Variants in CNKSR1 observed in about 807,000 individuals in gnomAD.
The protein encoded by CNKSR1 is connector enhancer of kinase suppressor of Ras 1.
A neutral mutation model predicts 95.6 loss-of-function variants in CNKSR1; 88 were observed. The ratio of observed to expected loss-of-function variants is 0.92; its 90% CI spans 0.78 to 1.10. The LOEUF (loss-of-function observed/expected upper bound fraction) is 1.10, where lower values mean the gene tolerates loss of function less well. Among genes scored for constraint, CNKSR1 ranks in the 50% least tolerant of loss-of-function variants. The probability of loss-of-function intolerance (pLI) is 0.00; values close to 1 mark genes in which losing one functional copy is unlikely to be tolerated. For missense variants in CNKSR1, 836 were observed against 912.0 expected, an observed-to-expected ratio of 0.92 and a Z score of 1.07; for synonymous variants, 355 against 369.7, an observed-to-expected ratio of 0.96 and a Z score of 0.46.
chr1:26,186,305 T>C (rs1218616770), intron 14 of CNKSR1, among the ~76,000 whole-genome samples: 1 of 152,206 alleles, frequency 6.6e-6, no homozygotes, highest in Non-Finnish European at 1.5e-5. Context: ...TTTGGTTTTT[T>C]GGTTTTTGTT....
chr1:26,186,745 A>AT (rs1325494430), intron 14 of CNKSR1, among the ~76,000 whole-genome samples: 2 of 152,198 alleles, frequency 1.3e-5, no homozygotes, highest in Non-Finnish European at 2.9e-5. Context: ...AAGTGCTGGG[A>AT]TTACAGGTGT....
chr1:26,187,620 CTTTTTTT>C (rs35307485), intron 16 of CNKSR1, 138 bp downstream of exon 16: 37 of 463,622 alleles, frequency 8.0e-5, no homozygotes, highest in East Asian at 1.2e-4. Flanking sequence ...TTCTCTTTCT[CTTTTTTT>C]TTTTTTTTTT....
At chr1:26,185,788 G>T (rs370872383) in intron 14 of CNKSR1, among the ~76,000 whole-genome samples, 1 of 151,700 alleles carries the variant, frequency 6.6e-6, no homozygotes, top group Non-Finnish European at 1.5e-5. Flanking sequence ...GCTTCAGCCC[G>T]CCAGAATGCT....
chr1:26,179,113 A>G (rs955677083), intron 1 of CNKSR1, among the ~76,000 whole-genome samples: 10 of 152,252 alleles, frequency 6.6e-5, no homozygotes, highest in African/African-American at 2.4e-4. Flanking sequence ...ATAGATTTGC[A>G]TAGCACATAG....
At position 26,184,489 on chromosome 1, in the gene CNKSR1, C is replaced by A; in HGVS notation, c.1089C>A (p.Leu363=). The change falls in exon 12 of 21, where the codon CTC becomes CTA. Residue 363 remains leucine, a synonymous_variant. Coordinates refer to ENST00000361530, the MANE Select transcript of CNKSR1 (RefSeq NM_006314.3). The stretch of plus-strand genomic sequence containing the variant: ...CAGGGGTAGCAGGGACTCCAGGGCT[C>A]CCTGAATCCCCTGACAAGGTAAGCT... The part of the protein sequence containing the change: ...LPAGVAGTPG[L]PESPDKSPVG... 1 of 1,612,250 alleles carries A rather than the reference C, an allele frequency of 6.2e-7. No individual in the cohort carries two copies. The highest frequency in any genetic ancestry group is 8.5e-7 in the Non-Finnish European group (1 of 1,179,272).
At chr1:26,187,367 G>C in intron 15 of CNKSR1, 44 bp from the exon 16 acceptor site, 1 of 1,607,962 alleles carries the variant, frequency 6.2e-7, no homozygotes, top group Non-Finnish European at 8.5e-7. Context: ...TGGGCTGTGG[G>C]TGGGCACGCC....
intron 9 of CNKSR1, 68 bp downstream of exon 9, chr1:26,183,898 C>A (rs770497889): frequency 1.9e-6 from 1 of 530,154 alleles, no homozygotes; most frequent in Non-Finnish European, 3.4e-6. Context: ...GCCCCCACCA[C>A]CCCCACACCT....
At chr1:26,177,993 G>A (rs1056769762) in intron 1 of CNKSR1, among the ~76,000 whole-genome samples, 1 of 151,960 alleles carries the variant, frequency 6.6e-6, no homozygotes, top group Non-Finnish European at 1.5e-5. Flanking sequence ...AATAAACTGC[G>A]GGCTCTATCA....
In CNKSR1 at chr1:26,180,915, C is replaced by T. The variant is rs779116557; in HGVS notation, c.392+19C>T. The T allele has an allele frequency of 1.7e-5, 28 of 1,613,514 alleles. No homozygotes were observed. Among genetic ancestry groups the T allele is most frequent in the East Asian group, 1.6e-4 (7 of 44,894 alleles). On this transcript the variant is annotated intron_variant, in intron 3 of 20. Transcript: ENST00000361530. ...TCAGCAGGTACCCGGGTTGGGGTGA[C>T]GAGTGAGGGACTATTGTCATCCTTG...
In CNKSR1 at chr1:26,189,519, G is replaced by A; in HGVS notation, c.2113G>A (p.Glu705Lys). 1 of 1,590,924 alleles carries A rather than the reference G, an allele frequency of 6.3e-7. No individual in the cohort carries two copies. Among genetic ancestry groups the A allele is most frequent in the East Asian group, 2.2e-5 (1 of 44,782 alleles). Reference protein sequence around the residue: ...EHSHLCPLTSESSLRPPDL With the variant: ...EHSHLCPLTSKSSLRPPDL ...CTCCCATCTCTGCCCCCTGACCTCAGAGAGCAGCCTCCGACCTCCTGACCT... is the reference window on the plus strand; with the variant it reads ...CTCCCATCTCTGCCCCCTGACCTCAAAGAGCAGCCTCCGACCTCCTGACCT... The change falls in exon 21 of 21, where the codon GAG becomes AAG. Residue 705 changes from glutamate (E) to lysine (K), a missense_variant. Glu to Lys is a moderately conservative substitution (Grantham distance 56, BLOSUM62 1). Transcript: ENST00000361530.
chr1:26,184,290 A>T lies in CNKSR1; in HGVS notation c.1000+3A>T, dbSNP rs369925886. 16 of 1,613,304 alleles carry T rather than the reference A, an allele frequency of 9.9e-6. No individual in the cohort carries two copies. Among genetic ancestry groups the T allele is most frequent in the Non-Finnish European group, 1.4e-5 (16 of 1,179,648 alleles). ...CGGACCCAGCCCTGCCTGGACAGGT[A>T]GTCTCAAAGCTCCATGGATGCCCCG... On this transcript the variant is annotated splice_donor_region_variant and intron_variant, in intron 11 of 20. Coordinates refer to ENST00000361530, the MANE Select transcript of CNKSR1 (RefSeq NM_006314.3).
At chr1:26,185,537 C>T (rs1184151272) in intron 14 of CNKSR1, among the ~76,000 whole-genome samples, 6 of 151,550 alleles carry the variant, frequency 4.0e-5, no homozygotes, top group Admixed American at 1.3e-4. Context: ...GAACTACAGG[C>T]GCCCGCCACA....
chr1:26,189,249 A>G lies in CNKSR1; in HGVS notation c.1873-30A>G, dbSNP rs528758249. 4.3e-6 allele frequency: 7 copies of G among 1,613,314 alleles called. No homozygotes were observed. In the South Asian group the frequency reaches 5.5e-5, roughly 13 times the overall value. Reference sequence around the variant, plus strand: ...GCTCTGCCCACTTCCCTGGGTGATCATGGTCCCTTAGCCCCTCCTCTCCAC... The same window carrying G: ...GCTCTGCCCACTTCCCTGGGTGATCGTGGTCCCTTAGCCCCTCCTCTCCAC... On this transcript the variant is annotated intron_variant, in intron 20 of 20. Coordinates refer to ENST00000361530, the MANE Select transcript of CNKSR1 (RefSeq NM_006314.3).
intron 1 of CNKSR1, chr1:26,180,194 G>T: frequency 1.8e-6 from 1 of 548,854 alleles, no homozygotes; most frequent in East Asian, 3.2e-5. Flanking sequence ...GTGGGGTGAG[G>T]CCTGATAATT....
At chr1:26,181,057 A>T in intron 3 of CNKSR1, 161 bp downstream of exon 3, 1 of 828,488 alleles carries the variant, frequency 1.2e-6, no homozygotes, top group Non-Finnish European at 2.0e-6. Flanking sequence ...AAGCGGGCAG[A>T]TCACTTGAGG....
At position 26,189,864 on chromosome 1, in the gene CNKSR1, T is replaced by A; in HGVS notation, c.*316T>A. 1.8e-6 allele frequency: 1 copy of A among 569,258 alleles called. No individual in the cohort carries two copies. The highest frequency in any genetic ancestry group is 3.2e-6 in the Non-Finnish European group (1 of 312,092). The allele number at this position is 569,258 out of a possible 1,614,324, so 35.3% of individuals were successfully genotyped here. A position where few individuals can be genotyped will look rare whatever the true frequency, so the allele number is the denominator to read the frequency against. On this transcript the variant is annotated 3_prime_UTR_variant, in exon 21 of 21. Coordinates refer to ENST00000361530, the MANE Select transcript of CNKSR1 (RefSeq NM_006314.3). ...ACATGAGGGCTACTTTCCAACCAAA[T>A]AAAGTCAATTTTTCTAAGAATGAGT...
intron 20 of CNKSR1, 65 bp from the exon 21 acceptor site, chr1:26,189,214 C>A: frequency 6.3e-7 from 1 of 1,593,600 alleles, no homozygotes; most frequent in South Asian, 1.1e-5. Flanking sequence ...GGAGTGAAGT[C>A]TGGCCTCGGG....
At chr1:26,182,036 G>A in intron 4 of CNKSR1, 95 bp downstream of exon 4, 1 of 1,202,264 alleles carries the variant, frequency 8.3e-7, no homozygotes, top group Admixed American at 1.7e-5. Context: ...GATCGAGTAT[G>A]AGGATTGAGA....
In CNKSR1 at chr1:26,188,895, G is replaced by T; in HGVS notation, c.1814G>T (p.Arg605Leu). Residue 605 changes from arginine (R) to leucine (L), a missense_variant, in exon 20 of 21, where the codon CGA (arginine) becomes CTA (leucine). By Grantham distance (102) the Arg-to-Leu change is moderately radical. Coordinates refer to ENST00000361530, the MANE Select transcript of CNKSR1 (RefSeq NM_006314.3). Reference sequence around the variant, plus strand: ...CGGAGCTCTTTCATGCGGCGCAACCGAGACCCTCAGCTCAATGAGCGAGTG... The same window carrying T: ...CGGAGCTCTTTCATGCGGCGCAACCTAGACCCTCAGCTCAATGAGCGAGTG... ...QWRSSFMRRN[R>L]DPQLNERVHR... 1 of 1,613,882 alleles carries T rather than the reference G, an allele frequency of 6.2e-7. No homozygotes were observed.
Sources: gnomAD v4.1 joint callset for allele counts (sites outside exome capture counted in the v4.1 genomes callset) on GRCh38, gnomAD v4.1.1 for gene constraint, MANE v1.5 for transcripts, NCBI Gene and HGNC (gene_info 2026-07-23, HGNC 2026-07-21) for gene names.